PRH1: variants seen among roughly 807,000 people sequenced by gnomAD.
PRH1 encodes salivary acidic proline-rich phosphoprotein 1/2.
A neutral mutation model predicts 7.9 loss-of-function variants in PRH1; 7 were observed. The observed-to-expected ratio is 0.89, with a 90% CI of 0.50 to 1.67. The LOEUF is 1.67. PRH1 is among the 40% of genes most tolerant of loss of function. PRH1 has a pLI of 0.00. For synonymous variants in PRH1, 45 were observed against 80.8 expected (o/e 0.56, Z 2.38); for missense variants, 109 against 223.6 (o/e 0.49, Z 3.27).
intron 2 of PRH1, among the ~76,000 whole-genome samples, chr12:10,946,533 T>C (rs1174881306): frequency 6.6e-6 from 1 of 152,236 alleles, no homozygotes; most frequent in Non-Finnish European, 1.5e-5. Flanking sequence ...TCTTCTCTCT[T>C]TTCTTCTTAA....
chr12:11,015,761 C>T (rs1941264891), intron 1 of PRH1, among the ~76,000 whole-genome samples: 1 of 152,106 alleles, frequency 6.6e-6, no homozygotes, highest in South Asian at 2.1e-4. Flanking sequence ...CCTTGAATTC[C>T]TGGGTTTGTA....
At chr12:11,081,779 T>C (rs1216417774) in intron 1 of PRH1, among the ~76,000 whole-genome samples, 176 of 96,706 alleles carry the variant, frequency 1.8e-3, no homozygotes, top group Middle Eastern at 4.6e-3. Flanking sequence ...GCCTTTAAAT[T>C]TCATCATTAC....
chr12:10,909,094 C>A (rs1949854706), intron 2 of PRH1: 1 of 1,613,592 alleles, frequency 6.2e-7, no homozygotes, highest in African/African-American at 1.3e-5. Flanking sequence ...TAATGCAGAG[C>A]TAAAAACCAA....
rs573378096 is a variant in PRH1 at position 11,161,748 on chromosome 12, C to G, written n.39+9674G>C. On this transcript the variant is annotated intron_variant and non_coding_transcript_variant, in intron 1 of 1. Transcript: ENST00000541175. ...AAAAAAATTAAGAGGCCCATTAAGA[C>G]TTTTCAATTAAACATAGAGACCATT... is the stretch of plus-strand genomic sequence containing the variant. Among the ~76,000 whole-genome samples the G allele has an allele frequency of 3.3e-5, 5 of 152,208 alleles. No individual in the cohort carries two copies. In the South Asian group the frequency reaches 1.0e-3, roughly 32 times the overall value.
At chr12:10,974,537 C>T (rs973625560) in intron 1 of PRH1, among the ~76,000 whole-genome samples, 1 of 152,092 alleles carries the variant, frequency 6.6e-6, no homozygotes, top group Admixed American at 6.5e-5. Flanking sequence ...TCCTTGGCAC[C>T]CCCAAAATCT....
downstream of PRH1, among the ~76,000 whole-genome samples, chr12:11,116,703 T>C (rs1945740998): frequency 6.6e-6 from 1 of 152,032 alleles, no homozygotes; most frequent in South Asian, 2.1e-4. Flanking sequence ...AATTAAATAA[T>C]ACATTAAAAA....
intron 1 of PRH1, among the ~76,000 whole-genome samples, chr12:11,039,396 C>T (rs543179351): frequency 6.6e-6 from 1 of 152,330 alleles, no homozygotes; most frequent in South Asian, 2.1e-4. Context: ...TCCAAAACAG[C>T]TCAAATTAAC....
chr12:10,986,378 G>A (rs1591769047), intron 1 of PRH1: 1 of 1,613,982 alleles, frequency 6.2e-7, no homozygotes, highest in East Asian at 2.2e-5. Context: ...TCCCAGTCAT[G>A]TTTCCTTCAT....
intron 1 of PRH1, among the ~76,000 whole-genome samples, chr12:11,141,698 CT>C (rs1238488697): frequency 2.0e-5 from 3 of 152,090 alleles, no homozygotes; most frequent in African/African-American, 7.2e-5. Flanking sequence ...TCAATTTTAC[CT>C]TCTGGTACAG....
At chr12:10,901,305 G>C (rs1241006038) in intron 2 of PRH1, among the ~76,000 whole-genome samples, 2 of 152,166 alleles carry the variant, frequency 1.3e-5, no homozygotes, top group Middle Eastern at 3.2e-3. Flanking sequence ...CAGGTATTCA[G>C]AGCCCCCACT....
At chr12:11,099,249 C>T (rs1339926069) in intron 1 of PRH1, among the ~76,000 whole-genome samples, 1 of 152,120 alleles carries the variant, frequency 6.6e-6, no homozygotes, top group Non-Finnish European at 1.5e-5. Flanking sequence ...GGGGATTCTT[C>T]CTCTTTCCAT....
At chr12:11,061,850 T>A in intron 1 of PRH1, 1 of 1,614,174 alleles carries the variant, frequency 6.2e-7, no homozygotes, top group East Asian at 2.2e-5. Flanking sequence ...ATCTGATTCA[T>A]GTTTATCACA....
intron 2 of PRH1, among the ~76,000 whole-genome samples, chr12:10,968,154 G>C (rs746604714): frequency 3.3e-4 from 50 of 151,316 alleles, no homozygotes; most frequent in Admixed American, 5.9e-4. Flanking sequence ...TTATCTCTCT[G>C]ATTGAAGAAT....
At chr12:11,014,121 A>G (rs1393948269) in intron 1 of PRH1, among the ~76,000 whole-genome samples, 3 of 152,226 alleles carry the variant, frequency 2.0e-5, no homozygotes, top group African/African-American at 7.2e-5. Context: ...AATAAATAAT[A>G]TAAATGGATA....
At chr12:11,022,191 A>AC (rs776324145) in intron 1 of PRH1, 8 of 1,613,918 alleles carry the variant, frequency 5.0e-6, no homozygotes, top group Non-Finnish European at 6.8e-6. Flanking sequence ...CCAGAACAAC[A>AC]CTCTTAATTC....
At chr12:10,952,819 C>T (rs1050120723) in intron 2 of PRH1, among the ~76,000 whole-genome samples, 1 of 152,162 alleles carries the variant, frequency 6.6e-6, no homozygotes, top group Admixed American at 6.6e-5. Context: ...AGAGCCTATA[C>T]CCTGCCACAC....
At chr12:10,957,799 CAT>C (rs1346696911) in intron 2 of PRH1, among the ~76,000 whole-genome samples, 2 of 152,054 alleles carry the variant, frequency 1.3e-5, no homozygotes, top group African/African-American at 2.4e-5. Context: ...AGCCAACAAA[CAT>C]ATGAAAAAAT....
intron 1 of PRH1, among the ~76,000 whole-genome samples, chr12:11,041,061 A>C (rs1476129974): frequency 6.6e-6 from 1 of 152,030 alleles, no homozygotes; most frequent in African/African-American, 2.4e-5. Flanking sequence ...CTACAACATA[A>C]CCAGAAAAGA....
At chr12:11,013,629 T>C (rs1246208097) in intron 1 of PRH1, among the ~76,000 whole-genome samples, 1 of 152,176 alleles carries the variant, frequency 6.6e-6, no homozygotes, top group African/African-American at 2.4e-5. Flanking sequence ...CCTATCAATC[T>C]ATTGATATTA....
Sources: allele counts gnomAD v4.1 joint callset (sites outside exome capture counted in the v4.1 genomes callset), GRCh38; gene constraint gnomAD v4.1.1; transcripts MANE v1.5; gene names NCBI Gene and HGNC (gene_info 2026-07-23, HGNC 2026-07-21).